NOP58: variants seen among roughly 807,000 people sequenced by gnomAD.
NOP58 encodes nucleolar protein 58.
Under a neutral mutation model 71.2 loss-of-function variants are expected in NOP58, and 44 were observed. The observed-to-expected ratio is 0.62, with a 90% CI of 0.49 to 0.79. The LOEUF is 0.79. Ranked by LOEUF, NOP58 falls within the 30% of genes least tolerant of loss-of-function variation. NOP58 has a pLI of 0.00. For synonymous variants in NOP58, 228 were observed against 200.3 expected, an observed-to-expected ratio of 1.14 and a Z score of -1.17; for missense variants, 538 against 620.2, an observed-to-expected ratio of 0.87 and a Z score of 1.41.
chr2:202,289,394 C>T (rs1574384604), intron 6 of NOP58, among the ~76,000 whole-genome samples: 1 of 152,346 alleles, frequency 6.6e-6, no homozygotes, highest in East Asian at 1.9e-4. Flanking sequence ...GAAAACTCCA[C>T]ACCTGACCAC....
At position 202,265,891 on chromosome 2, in the gene NOP58, C is replaced by G. The variant is rs369397560; in HGVS notation, c.-51C>G. ...AGGCCGCGTAGTCGGTGTTTTTGAA[C>G]TGACTCTACAGCTTCTGGCAGGCCG... On this transcript the variant is annotated 5_prime_UTR_variant, in exon 1 of 15. Transcript: ENST00000264279. 1.9e-6 allele frequency: 3 copies of G among 1,612,060 alleles called. No homozygotes were observed. In the African/African-American group the frequency reaches 4.0e-5, roughly 22 times the overall value.
In NOP58 at chr2:202,287,694, A is replaced by G; in HGVS notation, c.469A>G (p.Lys157Glu). The change falls in exon 6 of 15, where the codon AAA becomes GAA. Residue 157 changes from lysine (K) to glutamate (E), a missense_variant. By Grantham distance (56) the Lys-to-Glu change is moderately conservative (BLOSUM62 1). Transcript: ENST00000264279. ...ATATAGATTGAAGTTTAGCGCTGAT[A>G]AAGTAGACACAATGATTGTTCAGGC... is the stretch of plus-strand genomic sequence containing the variant. The part of the protein sequence containing the change: ...SRYRLKFSAD[K>E]VDTMIVQAIS... 1.2e-6 allele frequency: 2 copies of G among 1,613,354 alleles called. No individual in the cohort carries two copies.
chr2:202,281,608 T>G (rs1261704002), intron 3 of NOP58, among the ~76,000 whole-genome samples: 1 of 152,052 alleles, frequency 6.6e-6, no homozygotes, highest in Non-Finnish European at 1.5e-5. Context: ...CCCAGCTAAT[T>G]TTTGTATTTT....
At chr2:202,272,032 T>A (rs935520245) in intron 1 of NOP58, among the ~76,000 whole-genome samples, 1 of 152,136 alleles carries the variant, frequency 6.6e-6, no homozygotes, top group African/African-American at 2.4e-5. Flanking sequence ...ATCTACACAT[T>A]AAGACGCAGT....
At chr2:202,280,691 A>T (rs1158041127) in intron 3 of NOP58, among the ~76,000 whole-genome samples, 2 of 148,634 alleles carry the variant, frequency 1.3e-5, no homozygotes, top group African/African-American at 5.0e-5. Flanking sequence ...TTGAATTTGT[A>T]TTGGTCTCAG....
intron 4 of NOP58, among the ~76,000 whole-genome samples, chr2:202,283,686 G>A (rs1371425974): frequency 6.6e-6 from 1 of 151,822 alleles, no homozygotes; most frequent in Non-Finnish European, 1.5e-5. Flanking sequence ...TGATCCACCC[G>A]CCTCGGCCTC....
chr2:202,287,522 C>G (rs767411147), intron 5 of NOP58, 138 bp from the exon 6 acceptor site: 3 of 553,984 alleles, frequency 5.4e-6, no homozygotes, highest in South Asian at 2.4e-5. Flanking sequence ...GCTGATTTTT[C>G]TTCTTAGAAA....
At chr2:202,302,083 CTTTTTTTTTTTT>C (rs71031885) in intron 13 of NOP58, among the ~76,000 whole-genome samples, 3 of 90,586 alleles carry the variant, frequency 3.3e-5, no homozygotes, top group African/African-American at 9.2e-5. Context: ...TTTTTTTTTT[CTTTTTTTTTTTT>C]TTTTTTTTTT....
At position 202,297,365 on chromosome 2, in the gene NOP58, T is replaced by C. The variant is rs377358165; in HGVS notation, c.1072-14T>C. 1.6e-5 allele frequency: 26 copies of C among 1,609,278 alleles called. No individual in the cohort carries two copies. In the African/African-American group the frequency reaches 3.3e-4, roughly 21 times the overall value. Reference sequence around the variant, plus strand: ...TCTGAACATGGAATATAGTTCTTCATGTTTTTCTATTAGATTTCTCGAATG... The same window carrying C: ...TCTGAACATGGAATATAGTTCTTCACGTTTTTCTATTAGATTTCTCGAATG... On this transcript the variant is annotated splice_polypyrimidine_tract_variant and intron_variant, in intron 10 of 14. Coordinates refer to ENST00000264279, the MANE Select transcript of NOP58 (RefSeq NM_015934.5).
rs757812649 is a variant in NOP58, at chr2:202,297,490, T to G, written c.1183T>G (p.Leu395Val). 2 of 1,613,848 alleles carry G rather than the reference T, an allele frequency of 1.2e-6. No homozygotes were observed. Among genetic ancestry groups the G allele is most frequent in the African/African-American group, 2.7e-5 (2 of 74,920 alleles). ...GAACAGAGCCAAATTAGAGGCCAGG[T>G]TGAGAACTTTGGAAGACAGAGGGGT... The part of the protein sequence containing the change: ...VENRAKLEAR[L>V]RTLEDRGIRK... Residue 395 changes from leucine (L) to valine (V), a missense_variant, in exon 11 of 15, where the codon TTG becomes GTG. Leu to Val is a conservative substitution (Grantham distance 32, BLOSUM62 1). Coordinates refer to ENST00000264279, the MANE Select transcript of NOP58 (RefSeq NM_015934.5).
intron 1 of NOP58, among the ~76,000 whole-genome samples, chr2:202,271,177 C>G (rs1031990571): frequency 6.6e-6 from 1 of 152,228 alleles, no homozygotes; most frequent in South Asian, 2.1e-4. Flanking sequence ...AGGATGGGCT[C>G]AATCCTAAAA....
chr2:202,280,800 C>G (rs1193348890), intron 3 of NOP58, among the ~76,000 whole-genome samples: 1 of 128,272 alleles, frequency 7.8e-6, no homozygotes, highest in Admixed American at 8.4e-5. Flanking sequence ...TACTGATCTT[C>G]GGCTGGAGTA....
intron 8 of NOP58, among the ~76,000 whole-genome samples, chr2:202,291,865 C>A (rs1347164723): frequency 3.0e-5 from 4 of 132,468 alleles, no homozygotes; most frequent in Admixed American, 2.4e-4. Flanking sequence ...CCTTTTAATT[C>A]TGAGTCTTAT....
chr2:202,288,077 A>T (rs1421935313), intron 6 of NOP58, among the ~76,000 whole-genome samples: 1 of 152,208 alleles, frequency 6.6e-6, no homozygotes, highest in Non-Finnish European at 1.5e-5. Context: ...TATATGAATC[A>T]CAGAATTAAC....
At chr2:202,271,907 C>T (rs1322859439) in intron 1 of NOP58, among the ~76,000 whole-genome samples, 2 of 152,066 alleles carry the variant, frequency 1.3e-5, no homozygotes, top group African/African-American at 4.8e-5. Context: ...CCACACCACT[C>T]CACTCCAGCC....
In NOP58 at chr2:202,292,854, T is replaced by C. The variant is rs1324938315; in HGVS notation, c.858T>C (p.Val286=). The change falls in exon 9 of 15, where the codon GTT becomes GTC. Residue 286 remains valine, a synonymous_variant. Coordinates refer to ENST00000264279, the MANE Select transcript of NOP58 (RefSeq NM_015934.5). ...QNRMMAIAPN[V]TVMVGELVGA... ...GAATGATGGCCATTGCACCCAATGT[T>C]ACAGTCATGGTTGGGGAATTAGTTG... is the stretch of plus-strand genomic sequence containing the variant. The C allele has an allele frequency of 1.9e-6, 3 of 1,614,072 alleles. No homozygotes were observed. The Admixed American group carries it at 5.0e-5, about 27-fold the overall frequency.
chr2:202,286,963 T>G (rs769155304), intron 5 of NOP58, among the ~76,000 whole-genome samples: 4 of 152,054 alleles, frequency 2.6e-5, no homozygotes, highest in Non-Finnish European at 5.9e-5. Flanking sequence ...ATATTGTTAC[T>G]CCACAGCTTT....
chr2:202,282,779 T>C (rs1488828775), intron 4 of NOP58, among the ~76,000 whole-genome samples: 3 of 152,224 alleles, frequency 2.0e-5, no homozygotes, highest in Admixed American at 6.5e-5. Context: ...CACATTTTTT[T>C]CCAACGAAAA....
rs1385804645 is a variant in NOP58, at chr2:202,278,051, G to T, written c.175+49G>T. On this transcript the variant is annotated intron_variant, in intron 3 of 14. Coordinates refer to ENST00000264279, the MANE Select transcript of NOP58 (RefSeq NM_015934.5). ...GCTTTTTTGAAAAAATTAAGTCTTA[G>T]CCGTTTGTTTTTCTTGTTTAAAAGG... 3 of 1,162,382 alleles carry T rather than the reference G, an allele frequency of 2.6e-6. No individual in the cohort carries two copies. In the Admixed American group the frequency reaches 5.3e-5, roughly 20 times the overall value. The allele number at this position is 1,162,382 out of a possible 1,614,324, so 72.0% of individuals were successfully genotyped here.
Sources: gnomAD v4.1 joint callset for allele counts (sites outside exome capture counted in the v4.1 genomes callset) on GRCh38, gnomAD v4.1.1 for gene constraint, MANE v1.5 for transcripts, NCBI Gene and HGNC (gene_info 2026-07-23, HGNC 2026-07-21) for gene names.